Variants in TTC23L observed in about 807,000 individuals in gnomAD.
The protein encoded by TTC23L is tetratricopeptide repeat protein 23-like.
TTC23L carries 42 observed loss-of-function variants against 48.1 expected under a neutral mutation model. The ratio of observed to expected loss-of-function variants is 0.87; its 90% CI spans 0.68 to 1.13. The LOEUF (loss-of-function observed/expected upper bound fraction) is 1.13. Ranked by LOEUF, TTC23L falls within the 50% of genes most tolerant of loss-of-function variation. The pLI, the probability that TTC23L is intolerant of heterozygous loss-of-function variation, is 0.00. For missense variants in TTC23L, 391 were observed against 421.0 expected (o/e 0.93, Z 0.62); for synonymous variants, 159 against 157.2 (o/e 1.01, Z -0.09).
At chr5:34,898,231 G>A (rs1763349119) in intron 10 of TTC23L, among the ~76,000 whole-genome samples, 2 of 152,158 alleles carry the variant, frequency 1.3e-5, no homozygotes, top group Admixed American at 1.3e-4. Flanking sequence ...CACCACTGTT[G>A]CACGAAGCAA....
intron 4 of TTC23L, among the ~76,000 whole-genome samples, chr5:34,862,023 G>C (rs1240841957): frequency 1.3e-5 from 2 of 152,170 alleles, no homozygotes; most frequent in Non-Finnish European, 2.9e-5. Context: ...AGGGGAACCT[G>C]GTGCTAAATC....
chr5:34,846,667 ATGTGTGTGTGTGTG>A (rs869123650), intron 3 of TTC23L, among the ~76,000 whole-genome samples: 40 of 66,342 alleles, frequency 6.0e-4, no homozygotes, highest in African/African-American at 1.3e-3. Context: ...ATATGTGTGT[ATGTGTGTGTGTGTG>A]TGTGTGTGTG....
chr5:34,866,982 G>A (rs545717770), exon 7 of TTC23L: 43 of 1,611,426 alleles, frequency 2.7e-5, no homozygotes, highest in Middle Eastern at 1.7e-4. Flanking sequence ...GTGATAGGAC[G>A]TCAGATCTGA....
chr5:34,914,344 G>A, the TTC23L span: 1 of 297,864 alleles, frequency 3.4e-6, no homozygotes, highest in Non-Finnish European at 6.5e-6. Context: ...ATATAAAACG[G>A]GAATAATAAC....
the TTC23L span, chr5:34,925,325 C>T: frequency 6.2e-7 from 1 of 1,613,576 alleles, no homozygotes; most frequent in Non-Finnish European, 8.5e-7. Flanking sequence ...GAAGACTCTT[C>T]TTCCACATGA....
chr5:34,889,803 TTTA>T (rs1762743484), intron 9 of TTC23L, among the ~76,000 whole-genome samples: 1 of 152,242 alleles, frequency 6.6e-6, no homozygotes, highest in African/African-American at 2.4e-5. Flanking sequence ...CTTTTTCTGA[TTTA>T]TAAACCACAT....
At chr5:34,921,086 C>T in the TTC23L span, 1 of 152,132 alleles carries the variant, frequency 6.6e-6, no homozygotes, top group South Asian at 2.1e-4. Flanking sequence ...GACAATTCAC[C>T]TACCTCGGCC....
chr5:34,914,794 A>G, the TTC23L span: 2 of 1,614,132 alleles, frequency 1.2e-6, no homozygotes, highest in Non-Finnish European at 1.7e-6. Context: ...GGAAATGAAT[A>G]GCTTTCAAGA....
At chr5:34,919,274 CAA>C in the TTC23L span, among the ~76,000 whole-genome samples, 21 of 35,972 alleles carry the variant, frequency 5.8e-4, no homozygotes, top group East Asian at 1.4e-3. Context: ...GACCCTGTCT[CAA>C]AAAAAAAAAA....
chr5:34,896,926 C>T, intron 10 of TTC23L, 51 bp downstream of exon 10: 1 of 626,242 alleles, frequency 1.6e-6, no homozygotes, highest in South Asian at 1.9e-5. Flanking sequence ...AAAGGGGCTG[C>T]AAGAAATGCT....
chr5:34,852,064 T>C (rs1297965599), intron 4 of TTC23L, among the ~76,000 whole-genome samples: 1 of 152,180 alleles, frequency 6.6e-6, no homozygotes, highest in Non-Finnish European at 1.5e-5. Context: ...ATTTTTATTT[T>C]TGTAGAGATA....
At chr5:34,870,325 G>T (rs1001464109) in intron 8 of TTC23L, among the ~76,000 whole-genome samples, 1 of 152,062 alleles carries the variant, frequency 6.6e-6, no homozygotes, top group East Asian at 1.9e-4. Flanking sequence ...CATAAAAGAA[G>T]AGTTTGATAG....
chr5:34,847,923 A>C (rs1759349647), intron 3 of TTC23L, among the ~76,000 whole-genome samples: 1 of 152,190 alleles, frequency 6.6e-6, no homozygotes, highest in South Asian at 2.1e-4. Context: ...TATCTTATCT[A>C]ACATTACTCT....
intron 8 of TTC23L, 128 bp downstream of exon 8, chr5:34,869,141 T>C (rs1761267528): frequency 1.5e-6 from 1 of 681,072 alleles, no homozygotes; most frequent in Non-Finnish European, 2.5e-6. Context: ...GGTCACAGTC[T>C]CATACAAAAT....
At chr5:34,893,413 A>G (rs62356982) in intron 9 of TTC23L, among the ~76,000 whole-genome samples, 20,865 of 152,236 alleles carry the variant, frequency 0.14, 1,625 homozygotes, top group Middle Eastern at 0.22. Flanking sequence ...GCTCAAAGAA[A>G]TGATTCTGAA....
chr5:34,923,373 G>A, the TTC23L span: 4 of 651,398 alleles, frequency 6.1e-6, no homozygotes, highest in Non-Finnish European at 1.1e-5. Flanking sequence ...TCCACCTCCC[G>A]GGTTCAAGCT....
At chr5:34,864,615 A>T in intron 6 of TTC23L, 53 bp downstream of exon 6, 1 of 1,575,088 alleles carries the variant, frequency 6.3e-7, no homozygotes, top group Non-Finnish European at 8.6e-7. Flanking sequence ...GCTTGGAATT[A>T]CATGATATAA....
the TTC23L span, chr5:34,918,410 G>T: frequency 6.2e-7 from 1 of 1,603,982 alleles, no homozygotes; most frequent in Non-Finnish European, 8.5e-7. Flanking sequence ...TCTTCCAGAG[G>T]AATAAATTTT....
chr5:34,845,794 T>A, intron 3 of TTC23L, 121 bp downstream of exon 3: 1 of 1,069,260 alleles, frequency 9.4e-7, no homozygotes, highest in Non-Finnish European at 1.3e-6. Context: ...TATTTCTTTG[T>A]AAGTAGCAGA....
Sources: gnomAD v4.1 joint callset for allele counts (sites outside exome capture counted in the v4.1 genomes callset) on GRCh38, gnomAD v4.1.1 for gene constraint, MANE v1.5 for transcripts, NCBI Gene and HGNC (gene_info 2026-07-23, HGNC 2026-07-21) for gene names.